Variants in SEMA3D observed in about 807,000 individuals in gnomAD.
The protein encoded by SEMA3D is semaphorin-3D.
A neutral mutation model predicts 100.1 loss-of-function variants in SEMA3D; 84 were observed. That is an observed-to-expected ratio of 0.84 (90% CI 0.70 to 1.01). The LOEUF (loss-of-function observed/expected upper bound fraction) is 1.01, where lower values mean the gene tolerates loss of function less well. Ranked by LOEUF, SEMA3D falls within the 50% of genes least tolerant of loss-of-function variation. The pLI, the probability that SEMA3D is intolerant of heterozygous loss-of-function variation, is 0.00. For synonymous variants in SEMA3D, 312 were observed against 320.7 expected (o/e 0.97, Z 0.29); for missense variants, 875 against 934.1 (o/e 0.94, Z 0.82).
intron 3 of SEMA3D, among the ~76,000 whole-genome samples, chr7:85,119,269 A>G (rs1787102837): frequency 6.6e-6 from 1 of 152,214 alleles, no homozygotes; most frequent in Non-Finnish European, 1.5e-5. Context: ...TACTGGGTAT[A>G]TACCCCCAAA....
At chr7:85,017,206 A>G (rs890088406) in intron 15 of SEMA3D, among the ~76,000 whole-genome samples, 23 of 151,842 alleles carry the variant, frequency 1.5e-4, no homozygotes, top group African/African-American at 5.3e-4. Flanking sequence ...GACATCCTTC[A>G]TAATTCAAGC....
intron 9 of SEMA3D, among the ~76,000 whole-genome samples, chr7:85,051,640 A>G (rs1259823104): frequency 6.6e-6 from 1 of 151,980 alleles, no homozygotes; most frequent in Non-Finnish European, 1.5e-5. Flanking sequence ...CAAATTTATG[A>G]GTCCAGAGAC....
intron 12 of SEMA3D, among the ~76,000 whole-genome samples, chr7:85,026,892 C>T (rs1026406060): frequency 6.6e-6 from 1 of 151,968 alleles, no homozygotes; most frequent in Non-Finnish European, 1.5e-5. Context: ...TTGTGGAATC[C>T]ATGGTTACCT....
At chr7:85,136,743 T>C (rs752932473) in intron 2 of SEMA3D, among the ~76,000 whole-genome samples, 2 of 152,132 alleles carry the variant, frequency 1.3e-5, no homozygotes, top group Non-Finnish European at 2.9e-5. Context: ...ATTTTTATTA[T>C]CATTTAACTT....
At chr7:85,044,304 A>G (rs1790943775) in intron 9 of SEMA3D, among the ~76,000 whole-genome samples, 1 of 152,108 alleles carries the variant, frequency 6.6e-6, no homozygotes, top group Non-Finnish European at 1.5e-5. Flanking sequence ...GACCAGAGGT[A>G]TCTTTATAGC....
At chr7:85,074,384 C>A (rs371404623) in intron 5 of SEMA3D, among the ~76,000 whole-genome samples, 1 of 152,054 alleles carries the variant, frequency 6.6e-6, no homozygotes, top group Admixed American at 6.6e-5. Flanking sequence ...AATAACCTAA[C>A]TGGTAGGGTG....
rs141861256 is a variant in SEMA3D at position 85,166,517 on chromosome 7, C to T, written c.-172-12778G>A. Among the ~76,000 whole-genome samples the T allele has an allele frequency of 3.2e-3, 484 of 152,046 alleles. 5 individuals are homozygous for T. Among genetic ancestry groups the T allele is most frequent in the African/African-American group, 0.011 (467 of 41,518 alleles). ...ACATTTATGAGGTATTACTAAGGAC[C>T]AGACATTATTCTAAGTTGTGAACAC... is the stretch of plus-strand genomic sequence containing the variant. On this transcript the variant is annotated intron_variant, in intron 1 of 18. Transcript: ENST00000284136.
intron 1 of SEMA3D, among the ~76,000 whole-genome samples, chr7:85,163,815 G>A (rs555544960): frequency 4.6e-5 from 7 of 152,114 alleles, no homozygotes; most frequent in East Asian, 3.9e-4. Context: ...CAAGCATTTC[G>A]TATCTGAATG....
At chr7:85,096,897 G>A (rs1470100725) in intron 4 of SEMA3D, among the ~76,000 whole-genome samples, 1 of 151,754 alleles carries the variant, frequency 6.6e-6, no homozygotes, top group Non-Finnish European at 1.5e-5. Flanking sequence ...TCTCTTTGAA[G>A]AAGAAGAACT....
intron 9 of SEMA3D, among the ~76,000 whole-genome samples, chr7:85,046,872 C>T (rs1791022630): frequency 6.6e-6 from 1 of 151,996 alleles, no homozygotes; most frequent in Non-Finnish European, 1.5e-5. Context: ...ATATAACCAT[C>T]TCACGAACAC....
intron 1 of SEMA3D, among the ~76,000 whole-genome samples, chr7:85,170,414 T>A (rs1226839504): frequency 6.6e-6 from 1 of 151,868 alleles, no homozygotes; most frequent in Non-Finnish European, 1.5e-5. Flanking sequence ...CCATTGTGAA[T>A]TTTGGGAACA....
intron 5 of SEMA3D, 138 bp from the exon 6 acceptor site, chr7:85,073,219 G>T (rs1791825926): frequency 2.5e-6 from 2 of 784,396 alleles, no homozygotes; most frequent in Non-Finnish European, 4.2e-6. Context: ...AGAAATTCTA[G>T]ACATCTGTTG....
intron 17 of SEMA3D, among the ~76,000 whole-genome samples, chr7:85,009,730 T>TA (rs1789899528): frequency 6.6e-6 from 1 of 151,852 alleles, no homozygotes; most frequent in African/African-American, 2.4e-5. Context: ...TATTGTTACT[T>TA]CATTTACTTT....
Position 84,999,622 on chromosome 7 carries a change from G to T in SEMA3D, c.2152C>A (p.Gln718Lys), listed in dbSNP as rs1353399461. The change falls in exon 19 of 19, where the codon CAA becomes AAA. Residue 718 changes from glutamine (Q) to lysine (K), a missense_variant. Coordinates refer to ENST00000284136, the MANE Select transcript of SEMA3D (RefSeq NM_001384900.1). ...ESRLRYKDYIQILSSPNFSLD... is the reference protein window; with the variant it reads ...ESRLRYKDYIKILSSPNFSLD... Reference sequence around the variant, plus strand: ...CTGAAGTTTGGGCTGCTAAGGATTTGGATGTAGTCTTTGTATCTCAACCGT... The same window carrying T: ...CTGAAGTTTGGGCTGCTAAGGATTTTGATGTAGTCTTTGTATCTCAACCGT... 3 of 1,614,058 alleles carry T rather than the reference G, an allele frequency of 1.9e-6. No individual in the cohort carries two copies. The highest frequency in any genetic ancestry group is 1.7e-5 in the Admixed American group (1 of 59,986).
chr7:85,006,769 C>G (rs745830651), intron 18 of SEMA3D, 33 bp downstream of exon 18: 5 of 1,541,780 alleles, frequency 3.2e-6, no homozygotes, highest in Non-Finnish European at 4.4e-6. Context: ...CTATTTCCCT[C>G]AAAGTGAGTA....
intron 2 of SEMA3D, chr7:85,141,779 A>G (rs1790058057): frequency 1.2e-6 from 1 of 803,948 alleles, no homozygotes; most frequent in African/African-American, 1.9e-5. Context: ...GCCAAGTCTC[A>G]TAAATCTGGG....
intron 1 of SEMA3D, among the ~76,000 whole-genome samples, chr7:85,166,175 A>G (rs1790899362): frequency 6.6e-6 from 1 of 151,940 alleles, no homozygotes; most frequent in Non-Finnish European, 1.5e-5. Context: ...CAAACATGCT[A>G]TATATATACA....
At chr7:85,008,083 T>A (rs879643157) in intron 17 of SEMA3D, among the ~76,000 whole-genome samples, 2 of 151,844 alleles carry the variant, frequency 1.3e-5, no homozygotes, top group African/African-American at 4.8e-5. Context: ...TAGCTGTGAT[T>A]TTTACAGTTA....
the SEMA3D span, among the ~76,000 whole-genome samples, chr7:85,242,787 ACT>A: frequency 2.6e-5 from 4 of 152,116 alleles, no homozygotes; most frequent in African/African-American, 9.7e-5. Context: ...ATTATGTAGT[ACT>A]GTCTTTATCC....
Sources: gnomAD v4.1 joint callset for allele counts (sites outside exome capture counted in the v4.1 genomes callset) on GRCh38, gnomAD v4.1.1 for gene constraint, MANE v1.5 for transcripts, NCBI Gene and HGNC (gene_info 2026-07-23, HGNC 2026-07-21) for gene names.